The following ASPH variants were observed in gnomAD, a reference collection of about 807,000 sequenced individuals.
ASPH encodes aspartate beta-hydroxylase, also known as aspartyl/asparaginyl beta-hydroxylase.
ASPH carries 100 observed loss-of-function variants against 118.4 expected under a neutral mutation model. The observed-to-expected ratio is 0.84, with a 90% CI of 0.72 to 1.00. The LOEUF is 1.00. Among genes scored for constraint, ASPH ranks in the 50% least tolerant of loss-of-function variants. The pLI is 0.00. For missense variants in ASPH, 920 were observed against 919.5 expected (o/e 1.00, Z -0.01); for synonymous variants, 315 against 325.6 (o/e 0.97, Z 0.35).
chr8:61,609,211 T>G (rs1008639130), intron 14 of ASPH, among the ~76,000 whole-genome samples: 1 of 152,190 alleles, frequency 6.6e-6, no homozygotes, highest in East Asian at 1.9e-4. Context: ...TCTGTGCTAT[T>G]CCAGTACTTT....
chr8:61,704,126 C>T lies in ASPH; in HGVS notation c.103+10143G>A, dbSNP rs531450515. 9.9e-5 allele frequency among the ~76,000 whole-genome samples: 13 copies of T among 131,668 alleles called. No individual in the cohort carries two copies. The South Asian group carries it at 2.8e-3, about 29-fold the overall frequency. The allele number at this position is 131,668 out of a possible 152,430, so 86.4% of individuals were successfully genotyped here. The stretch of plus-strand genomic sequence containing the variant: ...AGGAGAATGGCGTGAACCCGGGAGG[C>T]GGAGCTTGCAGTGAGCCGAGATCCC... On this transcript the variant is annotated intron_variant, in intron 1 of 24. Coordinates refer to ENST00000379454, the MANE Select transcript of ASPH (RefSeq NM_004318.4).
chr8:61,563,025 A>G, intron 17 of ASPH, 145 bp from the exon 18 acceptor site: 1 of 697,316 alleles, frequency 1.4e-6, no homozygotes. Flanking sequence ...CTAAGTACCT[A>G]GTAGGATTTC....
intron 22 of ASPH, among the ~76,000 whole-genome samples, chr8:61,522,271 C>T (rs763447666): frequency 2.6e-5 from 4 of 152,080 alleles, no homozygotes; most frequent in Non-Finnish European, 1.5e-5. Flanking sequence ...TGTATCAGTT[C>T]GCTAGGGCTG....
intron 13 of ASPH, among the ~76,000 whole-genome samples, chr8:61,627,303 C>G (rs1853342069): frequency 6.6e-6 from 1 of 152,138 alleles, no homozygotes; most frequent in Non-Finnish European, 1.5e-5. Context: ...AAACCACAGA[C>G]AAGATGTAGA....
chr8:61,689,947 G>A lies in ASPH; in HGVS notation c.104-5759C>T. ...AAGTGCACTCCCTAACAACACCACA[G>A]CCTTTCTCCCACTTACGGGATTCTT... On this transcript the variant is annotated intron_variant, in intron 1 of 24. Coordinates refer to ENST00000379454, the MANE Select transcript of ASPH (RefSeq NM_004318.4). 3.3e-6 allele frequency: 3 copies of A among 918,372 alleles called. No individual in the cohort carries two copies. The Admixed American group carries it at 1.5e-4, about 45-fold the overall frequency. The allele number at this position is 918,372 out of a possible 1,614,324, so 56.9% of individuals were successfully genotyped here.
At chr8:61,554,225 A>AG (rs1408235110) in intron 19 of ASPH, among the ~76,000 whole-genome samples, 1 of 152,248 alleles carries the variant, frequency 6.6e-6, no homozygotes, top group African/African-American at 2.4e-5. Flanking sequence ...CCCCATCCCA[A>AG]GGGGGGATCA....
chr8:61,633,695 C>T lies in ASPH; in HGVS notation c.922G>A (p.Glu308Lys), dbSNP rs182264222. The T allele has an allele frequency of 2.3e-5, 36 of 1,599,610 alleles. No homozygotes were observed. The highest frequency in any genetic ancestry group is 6.7e-5 in the African/African-American group (5 of 74,530). The change falls in exon 13 of 25, where the codon GAA becomes AAA. Residue 308 changes from glutamate (E) to lysine (K), a missense_variant. Coordinates refer to ENST00000379454, the MANE Select transcript of ASPH (RefSeq NM_004318.4). Reference sequence around the variant, plus strand: ...CAAAATGTCATACCTGGTGGTACTTCCTGCTGTTCTTCCACAGGAAAAATG... The same window carrying T: ...CAAAATGTCATACCTGGTGGTACTTTCTGCTGTTCTTCCACAGGAAAAATG... Reference protein sequence around the residue: ...VSIFPVEEQQEVPPETNRKTD... With the variant: ...VSIFPVEEQQKVPPETNRKTD...
chr8:61,546,245 C>G (rs1823815378), intron 21 of ASPH, among the ~76,000 whole-genome samples: 1 of 152,226 alleles, frequency 6.6e-6, no homozygotes, highest in African/African-American at 2.4e-5. Flanking sequence ...GCCCCGAAGT[C>G]TGCCCTACTG....
intron 3 of ASPH, among the ~76,000 whole-genome samples, chr8:61,654,338 T>C (rs1398929658): frequency 6.6e-6 from 1 of 152,222 alleles, no homozygotes; most frequent in Admixed American, 6.5e-5. Flanking sequence ...TTATTTGATA[T>C]TTTGTATGTG....
chr8:61,666,439 A>T (rs1242238367), intron 3 of ASPH, among the ~76,000 whole-genome samples: 1 of 152,238 alleles, frequency 6.6e-6, no homozygotes. Context: ...TCATAAGGTA[A>T]GGTGTTTGCA....
intron 14 of ASPH, among the ~76,000 whole-genome samples, chr8:61,595,591 G>A (rs997112395): frequency 2.0e-5 from 3 of 152,216 alleles, no homozygotes; most frequent in African/African-American, 7.2e-5. Flanking sequence ...ACAATGGCTT[G>A]TGAGAAACTG....
intron 3 of ASPH, among the ~76,000 whole-genome samples, chr8:61,667,365 ATT>A (rs201695707): frequency 6.6e-6 from 1 of 151,984 alleles, no homozygotes. Context: ...ATAATAACTT[ATT>A]TATTATTATT....
intron 13 of ASPH, chr8:61,624,629 A>T: frequency 1.0e-6 from 1 of 985,422 alleles, no homozygotes; most frequent in Non-Finnish European, 1.2e-6. Flanking sequence ...AATGGCACAT[A>T]TTTGTAAAGA....
intron 1 of ASPH, among the ~76,000 whole-genome samples, chr8:61,693,463 T>C (rs1563630153): frequency 1.3e-5 from 2 of 152,206 alleles, no homozygotes. Flanking sequence ...TTTTTTCATC[T>C]ACACATCGTA....
At chr8:61,564,061 G>C (rs1748099120) in intron 17 of ASPH, among the ~76,000 whole-genome samples, 2 of 152,276 alleles carry the variant, frequency 1.3e-5, no homozygotes, top group South Asian at 4.1e-4. Flanking sequence ...CACCTTCCCA[G>C]GGCCGAGGAC....
chr8:61,591,422 A>G (rs1419775154), intron 14 of ASPH, among the ~76,000 whole-genome samples: 1 of 151,908 alleles, frequency 6.6e-6, no homozygotes, highest in Non-Finnish European at 1.5e-5. Flanking sequence ...AGATACTTGT[A>G]CCATAATCCC....
At chr8:61,564,630 C>T (rs892238420) in intron 17 of ASPH, among the ~76,000 whole-genome samples, 14 of 152,196 alleles carry the variant, frequency 9.2e-5, no homozygotes, top group Non-Finnish European at 1.8e-4. Context: ...ATGGCGAGTG[C>T]CCGCATTGCC....
chr8:61,519,902 G>A (rs1197144901), intron 22 of ASPH, among the ~76,000 whole-genome samples: 2 of 152,198 alleles, frequency 1.3e-5, no homozygotes, highest in Non-Finnish European at 2.9e-5. Context: ...AAATGTGTCT[G>A]TGTTTTAAGC....
At chr8:61,636,521 G>A (rs1445830223) in intron 12 of ASPH, among the ~76,000 whole-genome samples, 2 of 152,126 alleles carry the variant, frequency 1.3e-5, no homozygotes, top group African/African-American at 2.4e-5. Context: ...GTCCACTCAG[G>A]CACTACAGGA....
Sources: allele counts gnomAD v4.1 joint callset (sites outside exome capture counted in the v4.1 genomes callset), GRCh38; gene constraint gnomAD v4.1.1; transcripts MANE v1.5; gene names NCBI Gene and HGNC (gene_info 2026-07-23, HGNC 2026-07-21).